The following ZNF90 variants were observed in gnomAD, a reference collection of about 807,000 sequenced individuals.
ZNF90 encodes the protein zinc finger protein 90.
ZNF90 carries 11 observed loss-of-function variants against 12.0 expected under a neutral mutation model. The observed-to-expected ratio is 0.92, with a 90% confidence interval of 0.58 to 1.52. The LOEUF (loss-of-function observed/expected upper bound fraction) is 1.52, where lower values mean the gene tolerates loss of function less well. ZNF90 is among the 40% of genes most tolerant of loss of function. The probability of loss-of-function intolerance (pLI) is 0.00; values close to 1 mark genes in which losing one functional copy is unlikely to be tolerated. For missense variants in ZNF90, 765 were observed against 711.5 expected (o/e 1.08, Z -0.86); for synonymous variants, 232 against 240.1 (o/e 0.97, Z 0.31).
rs1427462249 is a variant in ZNF90, at chr19:20,120,205, A to G, written c.*845A>G. 1.3e-5 allele frequency among the ~76,000 whole-genome samples: 2 copies of G among 152,238 alleles called. No individual in the cohort carries two copies. The highest frequency in any genetic ancestry group is 2.9e-5 in the Non-Finnish European group (2 of 68,044). On this transcript the variant is annotated 3_prime_UTR_variant, in exon 4 of 4. Coordinates refer to ENST00000418063, the MANE Select transcript of ZNF90 (RefSeq NM_007138.2). ...GAGAAAAATTGCACAATTATAAAAA[A>G]TATGGAAAACCCATTAATGCCTACT...
rs533259931 is a variant in ZNF90, at chr19:20,110,439, T to C, written c.226+5123T>C. ...GATTACAGGCACCCACTACCATGCC[T>C]AGCTGATTTTTTGTATTTTTGGTAG... is the stretch of plus-strand genomic sequence containing the variant. On this transcript the variant is annotated intron_variant, in intron 3 of 3. Transcript: ENST00000418063. Among the ~76,000 whole-genome samples, 49 of 152,144 alleles carry C rather than the reference T, an allele frequency of 3.2e-4. No individual in the cohort carries two copies. In the South Asian group the frequency reaches 4.4e-3, roughly 14 times the overall value.
chr19:20,111,560 C>T (rs781972110), intron 3 of ZNF90, among the ~76,000 whole-genome samples: 4 of 151,802 alleles, frequency 2.6e-5, no homozygotes, highest in Non-Finnish European at 5.9e-5. Context: ...GAAAAATTAC[C>T]AGTTATATAA....
intron 1 of ZNF90, chr19:20,079,699 A>G (rs942526578): frequency 7.8e-5 from 14 of 178,464 alleles, no homozygotes; most frequent in Non-Finnish European, 1.4e-4. Context: ...TTGTATGTTG[A>G]CTCAGACTGA....
At chr19:20,110,554 T>A (rs1258378175) in intron 3 of ZNF90, among the ~76,000 whole-genome samples, 2 of 152,196 alleles carry the variant, frequency 1.3e-5, no homozygotes, top group African/African-American at 4.8e-5. Flanking sequence ...CTTGAACCAC[T>A]GCACCTGGAC....
In ZNF90 at chr19:20,118,657, C is replaced by T. The variant is rs368765193; in HGVS notation, c.1103C>T (p.Pro368Leu). The T allele has an allele frequency of 1.1e-5, 17 of 1,568,136 alleles. No individual in the cohort carries two copies. The highest frequency in any genetic ancestry group is 1.8e-5 in the Admixed American group (1 of 56,838). The stretch of plus-strand genomic sequence containing the variant: ...AAGAGAATTCATACTGGAGAGAAAC[C>T]CTACAAGTGTGATAAATGTGGCAAA... ...THKRIHTGEKPYKCDKCGKAF... is the reference protein window; with the variant it reads ...THKRIHTGEKLYKCDKCGKAF... The change falls in exon 4 of 4, where the codon CCC becomes CTC. Residue 368 changes from proline to leucine, a missense_variant. By Grantham distance (98) the Pro-to-Leu change is moderately conservative (BLOSUM62 -3). Coordinates refer to ENST00000418063, the MANE Select transcript of ZNF90 (RefSeq NM_007138.2).
At chr19:20,091,557 G>A (rs1314405018) in intron 1 of ZNF90, among the ~76,000 whole-genome samples, 1 of 152,172 alleles carries the variant, frequency 6.6e-6, no homozygotes, top group African/African-American at 2.4e-5. Flanking sequence ...TGGCTGTGAG[G>A]GACAGAAGTT....
Position 20,120,587 on chromosome 19 carries a change from G to C in ZNF90, c.*1227G>C, listed in dbSNP as rs1555706449. ...ACTAAAATATATGTTTGCAGAAACA[G>C]TAAATATAAAAAATATTTAATTCAA... On this transcript the variant is annotated 3_prime_UTR_variant, in exon 4 of 4. Transcript: ENST00000418063. 1.3e-5 allele frequency among the ~76,000 whole-genome samples: 2 copies of C among 152,080 alleles called. No individual in the cohort carries two copies. Among genetic ancestry groups the C allele is most frequent in the African/African-American group, 2.4e-5 (1 of 41,420 alleles).
intron 1 of ZNF90, among the ~76,000 whole-genome samples, chr19:20,083,722 A>G (rs981051982): frequency 1.3e-4 from 20 of 152,170 alleles, no homozygotes; most frequent in Admixed American, 1.3e-3. Flanking sequence ...AGTATTCATG[A>G]TGTTTATGTA....
At chr19:20,091,666 A>G (rs1207113897) in intron 1 of ZNF90, among the ~76,000 whole-genome samples, 3 of 152,208 alleles carry the variant, frequency 2.0e-5, no homozygotes, top group Non-Finnish European at 4.4e-5. Context: ...GAATGACCCC[A>G]GCTTCTTTTG....
chr19:20,091,113 G>A (rs1436836411), intron 1 of ZNF90, among the ~76,000 whole-genome samples: 1 of 152,156 alleles, frequency 6.6e-6, no homozygotes, highest in African/African-American at 2.4e-5. Flanking sequence ...ACCCTGTGGG[G>A]AAGGCCTCTA....
chr19:20,119,319 G>T lies in ZNF90; in HGVS notation c.1765G>T (p.Gly589Ter). 1 of 1,605,738 alleles carries T rather than the reference G, an allele frequency of 6.2e-7. No homozygotes were observed. The highest frequency in any genetic ancestry group is 8.5e-7 in the Non-Finnish European group (1 of 1,175,870). ...DLNTHKRIHI[G>*]QKAYIVKNMA... ...TAATACACATAAGAGGATTCATATT[G>T]GACAGAAAGCCTACATAGTGAAGAA... The change falls in exon 4 of 4, where the codon GGA becomes TGA. Residue 589 changes from glycine (G) to a stop codon, truncating the protein, a stop_gained. Transcript: ENST00000418063. LOFTEE classifies it high-confidence loss of function.
At chr19:20,092,395 C>T (rs1284210503) in intron 1 of ZNF90, among the ~76,000 whole-genome samples, 1 of 152,076 alleles carries the variant, frequency 6.6e-6, no homozygotes, top group African/African-American at 2.4e-5. Flanking sequence ...CTACAGGATG[C>T]GATCCTGGTC....
chr19:20,089,318 G>A (rs1161212675), intron 1 of ZNF90, among the ~76,000 whole-genome samples: 1 of 152,190 alleles, frequency 6.6e-6, no homozygotes, highest in East Asian at 1.9e-4. Flanking sequence ...TGACGAGCAA[G>A]GGGAAGGTAG....
intron 1 of ZNF90, among the ~76,000 whole-genome samples, chr19:20,088,696 A>G (rs901816071): frequency 2.3e-4 from 35 of 152,200 alleles, no homozygotes; most frequent in African/African-American, 6.8e-4. Context: ...TTTGGAGGAC[A>G]ACTGCAGCTA....
chr19:20,091,225 C>G (rs1419260329), intron 1 of ZNF90, among the ~76,000 whole-genome samples: 2,106 of 151,942 alleles, frequency 0.014, 46 homozygotes, highest in African/African-American at 0.049. Flanking sequence ...GGGCAAATCC[C>G]CGAGCTTGAT....
chr19:20,114,715 A>G (rs1377019191), intron 3 of ZNF90, among the ~76,000 whole-genome samples: 4 of 151,986 alleles, frequency 2.6e-5, no homozygotes, highest in African/African-American at 9.7e-5. Context: ...TAAAGAAGAA[A>G]GTTGTATGAG....
intron 1 of ZNF90, among the ~76,000 whole-genome samples, chr19:20,086,721 T>A (rs1235743973): frequency 6.6e-6 from 1 of 152,228 alleles, no homozygotes; most frequent in Non-Finnish European, 1.5e-5. Flanking sequence ...TTATGACTAG[T>A]TCATTAAAAT....
chr19:20,094,401 C>T (rs782612607), intron 1 of ZNF90, among the ~76,000 whole-genome samples: 22 of 152,178 alleles, frequency 1.4e-4, no homozygotes, highest in Non-Finnish European at 3.1e-4. Flanking sequence ...GGGTCTAGGG[C>T]GGTAAAGCGT....
chr19:20,101,178 G>T (rs1185772264), intron 1 of ZNF90, among the ~76,000 whole-genome samples: 4 of 152,148 alleles, frequency 2.6e-5, no homozygotes, highest in Admixed American at 2.0e-4. Context: ...TGCCACTCCC[G>T]ATTAGGCTAA....
Sources: gnomAD v4.1 joint callset for allele counts (sites outside exome capture counted in the v4.1 genomes callset) on GRCh38, gnomAD v4.1.1 for gene constraint, MANE v1.5 for transcripts, NCBI Gene and HGNC (gene_info 2026-07-23, HGNC 2026-07-21) for gene names.